ABCD2: variants seen among roughly 807,000 people sequenced by gnomAD.
ABCD2 encodes the protein ATP-binding cassette sub-family D member 2.
In ABCD2, 36 loss-of-function variants were observed where a neutral mutation model predicts 70.9. The observed-to-expected ratio is 0.51, with a 90% confidence interval of 0.39 to 0.67. The LOEUF (loss-of-function observed/expected upper bound fraction) is 0.67. ABCD2 is among the 30% of genes least tolerant of loss of function. The probability of loss-of-function intolerance (pLI) is 0.00; values close to 1 mark genes in which losing one functional copy is unlikely to be tolerated. For missense variants in ABCD2, 729 were observed against 890.2 expected (o/e 0.82, Z 2.30); for synonymous variants, 304 against 306.9 (o/e 0.99, Z 0.10).
chr12:39,536,120 T>C, the ABCD2 span, among the ~76,000 whole-genome samples: 171 of 152,310 alleles, frequency 1.1e-3, no homozygotes, highest in African/African-American at 3.8e-3. Context: ...AAATAAAGAA[T>C]GAATGAAAAT....
At chr12:39,609,566 T>C (rs1942017415) in intron 2 of ABCD2, among the ~76,000 whole-genome samples, 2 of 152,210 alleles carry the variant, frequency 1.3e-5, no homozygotes, top group South Asian at 4.1e-4. Context: ...CTTTAATCTT[T>C]TCATCAATTT....
At position 39,573,810 on chromosome 12, in the gene ABCD2, T is replaced by C. The variant is rs1292918816; in HGVS notation, c.1909A>G (p.Ser637Gly). The change falls in exon 9 of 10, where the codon AGT (serine) becomes GGT (glycine). Residue 637 changes from serine to glycine, a missense_variant. This residue lies in a region of ABCD2 where 289 missense variants were observed against 328.8 expected (regional missense o/e 0.88). Coordinates refer to ENST00000308666, the MANE Select transcript of ABCD2 (RefSeq NM_005164.4). Reference sequence around the variant, plus strand: ...CCTTCGACATCAATGCTGACAGCACTGGTACATTCATCCAGCAAGGCATAT... The same window carrying C: ...CCTTCGACATCAATGCTGACAGCACCGGTACATTCATCCAGCAAGGCATAT... ...PKYALLDECT[S>G]AVSIDVEGKI... The C allele has an allele frequency of 6.2e-7, 1 of 1,612,406 alleles. No individual in the cohort carries two copies. Among genetic ancestry groups the C allele is most frequent in the African/African-American group, 1.3e-5 (1 of 74,884 alleles).
intron 7 of ABCD2, among the ~76,000 whole-genome samples, chr12:39,582,676 C>T (rs1941612232): frequency 6.6e-6 from 1 of 152,106 alleles, no homozygotes; most frequent in African/African-American, 2.4e-5. Flanking sequence ...ATCTGCTTTC[C>T]ATATATAGTA....
chr12:39,561,611 G>T (rs1223629231), intron 9 of ABCD2, among the ~76,000 whole-genome samples: 2 of 152,030 alleles, frequency 1.3e-5, no homozygotes, highest in Non-Finnish European at 2.9e-5. Context: ...GGCCAAGAAT[G>T]TTATTATATA....
At position 39,617,088 on chromosome 12, in the gene ABCD2, G is replaced by GT; in HGVS notation, c.1019dup (p.Tyr340Ter). ...MNLILSKRLW[Y>*]IMIEQFLMKY... ...TCATCAGGAACTGTTCTATCATGATGTACCACAAACGTTTGGATAAAATGA... is the reference window on the plus strand; with the variant it reads ...TCATCAGGAACTGTTCTATCATGATGTTACCACAAACGTTTGGATAAAATGA... The change falls in exon 2 of 10, where the codon TAC becomes TAAC. Residue 340 changes from tyrosine (Y) to a stop codon, truncating the protein, a stop_gained and frameshift_variant. Transcript: ENST00000308666. LOFTEE classifies it high-confidence loss of function. 6.2e-7 allele frequency: 1 copy of GT among 1,612,840 alleles called. No homozygotes were observed. Among genetic ancestry groups the GT allele is most frequent in the South Asian group, 1.1e-5 (1 of 90,834 alleles).
chr12:39,598,738 C>T (rs1192517620), intron 6 of ABCD2, among the ~76,000 whole-genome samples: 1 of 152,132 alleles, frequency 6.6e-6, no homozygotes, highest in Non-Finnish European at 1.5e-5. Flanking sequence ...AAGGCAGTTA[C>T]CTACCAACAA....
At chr12:39,614,540 C>T (rs976652622) in intron 2 of ABCD2, among the ~76,000 whole-genome samples, 1 of 150,854 alleles carries the variant, frequency 6.6e-6, no homozygotes, top group Admixed American at 6.6e-5. Flanking sequence ...TCTGACTCAC[C>T]TATTTTTCTA....
chr12:39,540,102 G>A, the ABCD2 span, among the ~76,000 whole-genome samples: 2 of 152,162 alleles, frequency 1.3e-5, no homozygotes, highest in Admixed American at 6.5e-5. Flanking sequence ...CCTAACAGCC[G>A]GCCATCCAGC....
chr12:39,566,584 C>G (rs1332803321), intron 9 of ABCD2, among the ~76,000 whole-genome samples: 1 of 152,122 alleles, frequency 6.6e-6, no homozygotes, highest in African/African-American at 2.4e-5. Flanking sequence ...AAACCAGCTC[C>G]TGGATTCATT....
rs1941086521 is a variant in ABCD2, at chr12:39,551,450, CGTAAAATATAAGAGTA to C, written c.*2446_*2461del. On this transcript the variant is annotated 3_prime_UTR_variant, in exon 10 of 10. Coordinates refer to ENST00000308666, the MANE Select transcript of ABCD2 (RefSeq NM_005164.4). ...GTTTCTCAGTCTTTTTCATGTTTTC[CGTAAAATATAAGAGTA>C]GTAAAATATGGTATACCCATTGGAC... The C allele has an allele frequency of 6.6e-6, 1 of 151,438 alleles. No individual in the cohort carries two copies. The allele number at this position is 151,438 out of a possible 1,614,324, so 9.4% of individuals were successfully genotyped here.
chr12:39,608,818 T>A (rs1362448913), intron 2 of ABCD2, among the ~76,000 whole-genome samples: 2 of 152,190 alleles, frequency 1.3e-5, no homozygotes, highest in East Asian at 3.8e-4. Context: ...TGTGGTTTCT[T>A]TAATAGAAAT....
At chr12:39,536,754 T>G in the ABCD2 span, among the ~76,000 whole-genome samples, 37 of 152,198 alleles carry the variant, frequency 2.4e-4, no homozygotes, top group African/African-American at 8.9e-4. Context: ...AAATGTTTAC[T>G]TTTCATTTTA....
intron 9 of ABCD2, among the ~76,000 whole-genome samples, chr12:39,568,714 A>T (rs1466300573): frequency 1.3e-5 from 2 of 151,780 alleles, no homozygotes; most frequent in Non-Finnish European, 2.9e-5. Context: ...TGATTTTTAG[A>T]GTTTCCAGTT....
Position 39,553,812 on chromosome 12 carries a change from C to CT in ABCD2, c.*99dup, listed in dbSNP as rs969950364. 1.4e-5 allele frequency: 12 copies of CT among 881,288 alleles called. No individual in the cohort carries two copies. Among genetic ancestry groups the CT allele is most frequent in the African/African-American group, 8.5e-5 (5 of 58,526 alleles). 54.6% of individuals were successfully genotyped at this position (881,288 alleles called of 1,614,324 possible). ...AATCTTATAAAACATGTCTTGCTGC[C>CT]TTTTTTTCTCTGTGCTTAGCTTAAC... On this transcript the variant is annotated 3_prime_UTR_variant, in exon 10 of 10. Coordinates refer to ENST00000308666, the MANE Select transcript of ABCD2 (RefSeq NM_005164.4).
At chr12:39,585,314 G>A (rs112090842) in intron 7 of ABCD2, among the ~76,000 whole-genome samples, 17,101 of 152,016 alleles carry the variant, frequency 0.11, 971 homozygotes, top group East Asian at 0.16. Context: ...TTGGCTGTTC[G>A]CTTGGCTGTT....
intron 9 of ABCD2, among the ~76,000 whole-genome samples, chr12:39,569,150 A>G (rs11172646): frequency 0.049 from 7,453 of 152,268 alleles, 232 homozygotes; most frequent in East Asian, 0.14. Context: ...GCTCTCTTCA[A>G]AGTTGTCAGA....
At chr12:39,606,657 T>G (rs962270688) in intron 3 of ABCD2, among the ~76,000 whole-genome samples, 1 of 152,200 alleles carries the variant, frequency 6.6e-6, no homozygotes, top group South Asian at 2.1e-4. Flanking sequence ...CCCTTTGTAA[T>G]TCTTTTATAT....
chr12:39,532,169 G>A, the ABCD2 span, among the ~76,000 whole-genome samples: 1 of 152,236 alleles, frequency 6.6e-6, no homozygotes, highest in South Asian at 2.1e-4. Flanking sequence ...GGCCATGGAA[G>A]TGAATGGCTC....
At chr12:39,532,223 C>T in the ABCD2 span, among the ~76,000 whole-genome samples, 1 of 152,050 alleles carries the variant, frequency 6.6e-6, no homozygotes, top group Non-Finnish European at 1.5e-5. Flanking sequence ...AAGGTCAAGG[C>T]ATAAAACGAC....
Sources: gnomAD v4.1 joint callset for allele counts (sites outside exome capture counted in the v4.1 genomes callset) on GRCh38, gnomAD v4.1.1 for gene constraint, gnomAD v4.1.1 regional missense constraint, MANE v1.5 for transcripts, NCBI Gene and HGNC (gene_info 2026-07-23, HGNC 2026-07-21) for gene names.